Variants in KCND2 observed in about 807,000 individuals in gnomAD.
KCND2 encodes the protein A-type voltage-gated potassium channel KCND2.
Under a neutral mutation model 54.4 loss-of-function variants are expected in KCND2, and 16 were observed. The observed-to-expected ratio is 0.29, with a 90% CI of 0.20 to 0.45. The LOEUF (loss-of-function observed/expected upper bound fraction) is 0.45. Ranked by LOEUF, KCND2 falls within the 20% of genes least tolerant of loss-of-function variation. KCND2 has a pLI of 1.00. For missense variants in KCND2, 486 were observed against 824.2 expected, an observed-to-expected ratio of 0.59 and a Z score of 5.02; for synonymous variants, 317 against 310.7, an observed-to-expected ratio of 1.02 and a Z score of -0.21.
intron 1 of KCND2, among the ~76,000 whole-genome samples, chr7:120,574,721 G>A (rs1174647450): frequency 6.6e-6 from 1 of 151,970 alleles, no homozygotes; most frequent in Non-Finnish European, 1.5e-5. Flanking sequence ...TGTGCACCAA[G>A]GTTAAAACTC....
rs1162646722 is a variant in KCND2, at chr7:120,273,497, G to C, written c.-1136G>C. 2.0e-5 allele frequency among the ~76,000 whole-genome samples: 3 copies of C among 151,662 alleles called. No individual in the cohort carries two copies. Among genetic ancestry groups the C allele is most frequent in the Non-Finnish European group, 4.4e-5 (3 of 67,834 alleles). ...GGCCCCGCAGTAAGTTGGCAGGAGCGAGTCCCCTCCGTTCTCGCCTCCCCC... is the reference window on the plus strand; with the variant it reads ...GGCCCCGCAGTAAGTTGGCAGGAGCCAGTCCCCTCCGTTCTCGCCTCCCCC... On this transcript the variant is annotated 5_prime_UTR_variant, in exon 1 of 6. Coordinates refer to ENST00000331113, the MANE Select transcript of KCND2 (RefSeq NM_012281.3).
chr7:120,656,563 G>A (rs979177554), intron 1 of KCND2, among the ~76,000 whole-genome samples: 2 of 152,138 alleles, frequency 1.3e-5, no homozygotes, highest in Non-Finnish European at 2.9e-5. Context: ...GTTTTAATAA[G>A]GTCATGAATA....
chr7:120,342,860 A>G (rs1004227437), intron 1 of KCND2, among the ~76,000 whole-genome samples: 2 of 152,140 alleles, frequency 1.3e-5, no homozygotes, highest in Non-Finnish European at 2.9e-5. Context: ...TATAGAGAGG[A>G]TTTGAAAAAG....
intron 1 of KCND2, among the ~76,000 whole-genome samples, chr7:120,460,011 A>T (rs551900982): frequency 1.3e-5 from 2 of 152,252 alleles, no homozygotes; most frequent in African/African-American, 2.4e-5. Context: ...CCTACTAATG[A>T]TTCTCATCTT....
intron 1 of KCND2, among the ~76,000 whole-genome samples, chr7:120,595,093 A>AACAT (rs1792721053): frequency 3.3e-5 from 5 of 151,960 alleles, no homozygotes; most frequent in Admixed American, 2.0e-4. Flanking sequence ...TTAGCTCTAC[A>AACAT]GAGACATGTT....
intron 1 of KCND2, among the ~76,000 whole-genome samples, chr7:120,561,598 A>ATTTTT (rs57015988): frequency 2.1e-5 from 1 of 47,334 alleles, no homozygotes; most frequent in Admixed American, 3.2e-4. Context: ...AAGCTACCTG[A>ATTTTT]TTTTTTTTTT....
chr7:120,627,829 A>G (rs1793181751), intron 1 of KCND2, among the ~76,000 whole-genome samples: 1 of 151,884 alleles, frequency 6.6e-6, no homozygotes, highest in African/African-American at 2.4e-5. Flanking sequence ...TAGAACACAT[A>G]TATGGATTAT....
At chr7:120,330,581 C>CA (rs3067024) in intron 1 of KCND2, among the ~76,000 whole-genome samples, 2,396 of 48,372 alleles carry the variant, frequency 0.05, 657 homozygotes, top group African/African-American at 0.087. Context: ...AACTCTGTCT[C>CA]AAAAAAAAAA....
At chr7:120,406,320 G>C (rs1204892151) in intron 1 of KCND2, among the ~76,000 whole-genome samples, 1 of 151,868 alleles carries the variant, frequency 6.6e-6, no homozygotes, top group African/African-American at 2.4e-5. Flanking sequence ...CAACATAAAA[G>C]ATGTAAACTC....
At chr7:120,281,768 T>C (rs565805630) in intron 1 of KCND2, among the ~76,000 whole-genome samples, 5 of 152,336 alleles carry the variant, frequency 3.3e-5, no homozygotes, top group Non-Finnish European at 5.9e-5. Flanking sequence ...TTGCTGATCA[T>C]GGTGTGAGAT....
chr7:120,651,425 A>T (rs182019433), intron 1 of KCND2, among the ~76,000 whole-genome samples: 19 of 152,238 alleles, frequency 1.2e-4, no homozygotes, highest in African/African-American at 4.6e-4. Context: ...CATGCACGGG[A>T]TATAATCTCC....
At chr7:120,358,494 A>G (rs1160522385) in intron 1 of KCND2, among the ~76,000 whole-genome samples, 1 of 152,052 alleles carries the variant, frequency 6.6e-6, no homozygotes. Flanking sequence ...AATGACTTCA[A>G]TTTAAGGTTT....
intron 2 of KCND2, among the ~76,000 whole-genome samples, chr7:120,737,207 T>A (rs984268083): frequency 6.6e-6 from 1 of 152,004 alleles, no homozygotes; most frequent in African/African-American, 2.4e-5. Context: ...TATTGCTGTT[T>A]GGAAGACCAC....
At chr7:120,600,307 T>G (rs1269141098) in intron 1 of KCND2, among the ~76,000 whole-genome samples, 1 of 151,966 alleles carries the variant, frequency 6.6e-6, no homozygotes, top group Non-Finnish European at 1.5e-5. Context: ...TTAAAGAAAT[T>G]CATCCAAATA....
intron 1 of KCND2, among the ~76,000 whole-genome samples, chr7:120,489,559 C>T (rs1043502112): frequency 5.3e-5 from 8 of 152,128 alleles, no homozygotes; most frequent in African/African-American, 1.9e-4. Context: ...ATGGATCCTC[C>T]AACTTGCTGA....
intron 1 of KCND2, among the ~76,000 whole-genome samples, chr7:120,682,094 C>G (rs899291229): frequency 6.6e-6 from 1 of 151,934 alleles, no homozygotes; most frequent in African/African-American, 2.4e-5. Flanking sequence ...ACTGAGAGAA[C>G]GTAAGTTATC....
At chr7:120,557,221 A>G (rs1016429739) in intron 1 of KCND2, among the ~76,000 whole-genome samples, 3 of 152,188 alleles carry the variant, frequency 2.0e-5, no homozygotes, top group Admixed American at 1.3e-4. Context: ...AATAATGCAT[A>G]AAGATAAAAT....
At chr7:120,488,230 T>C (rs770085182) in intron 1 of KCND2, among the ~76,000 whole-genome samples, 17 of 152,198 alleles carry the variant, frequency 1.1e-4, no homozygotes, top group Non-Finnish European at 2.4e-4. Flanking sequence ...AAAACCCATA[T>C]AAAAGGCATG....
chr7:120,469,361 G>A (rs10156047), intron 1 of KCND2, among the ~76,000 whole-genome samples: 1 of 151,980 alleles, frequency 6.6e-6, no homozygotes, highest in Non-Finnish European at 1.5e-5. Context: ...TGCTCACAGC[G>A]AAGTGTTACA....
Sources: allele counts gnomAD v4.1 joint callset (sites outside exome capture counted in the v4.1 genomes callset), GRCh38; gene constraint gnomAD v4.1.1; transcripts MANE v1.5; gene names NCBI Gene and HGNC (gene_info 2026-07-23, HGNC 2026-07-21).